The following PDE1C variants were observed in gnomAD, a reference collection of about 807,000 sequenced individuals.
PDE1C encodes phosphodiesterase 1C.
PDE1C carries 62 observed loss-of-function variants against 93.1 expected under a neutral mutation model. The observed-to-expected ratio is 0.67, with a 90% CI of 0.54 to 0.82. The LOEUF is 0.82. Among genes scored for constraint, PDE1C ranks in the 40% least tolerant of loss-of-function variants. PDE1C has a pLI of 0.00. For missense variants in PDE1C, 742 were observed against 884.6 expected, an observed-to-expected ratio of 0.84 and a Z score of 2.04; for synonymous variants, 325 against 310.1, an observed-to-expected ratio of 1.05 and a Z score of -0.50.
chr7:31,741,852 G>T, the PDE1C span, among the ~76,000 whole-genome samples: 24 of 152,314 alleles, frequency 1.6e-4, no homozygotes, highest in African/African-American at 5.5e-4. Flanking sequence ...GGGAGGCAGG[G>T]ACCAGGTCCC....
chr7:31,798,972 T>G (rs1268830055), intron 16 of PDE1C, among the ~76,000 whole-genome samples: 1 of 151,722 alleles, frequency 6.6e-6, no homozygotes, highest in Non-Finnish European at 1.5e-5. Flanking sequence ...ACTATCGTCC[T>G]AAGTAGTATG....
At chr7:31,763,259 T>C (rs1043420723) in intron 17 of PDE1C, among the ~76,000 whole-genome samples, 1 of 152,196 alleles carries the variant, frequency 6.6e-6, no homozygotes, top group Admixed American at 6.5e-5. Flanking sequence ...TGTGCTAAGA[T>C]TGTAGAAACA....
At chr7:32,125,419 G>A (rs985811719) in intron 3 of PDE1C, among the ~76,000 whole-genome samples, 2 of 152,104 alleles carry the variant, frequency 1.3e-5, no homozygotes, top group Non-Finnish European at 2.9e-5. Flanking sequence ...GCATGTACAT[G>A]TATGTTCACT....
intron 1 of PDE1C, among the ~76,000 whole-genome samples, chr7:32,375,524 A>G (rs993829004): frequency 2.0e-5 from 3 of 152,262 alleles, no homozygotes; most frequent in East Asian, 1.9e-4. Context: ...TGGTATATCA[A>G]CAACAACAAT....
At chr7:31,832,937 G>A (rs1363929412) in intron 11 of PDE1C, among the ~76,000 whole-genome samples, 1 of 152,112 alleles carries the variant, frequency 6.6e-6, no homozygotes, top group Admixed American at 6.6e-5. Flanking sequence ...CTTTCGCCAT[G>A]GACCAAATAC....
chr7:32,337,360 A>G (rs932153973), intron 1 of PDE1C, among the ~76,000 whole-genome samples: 1 of 152,202 alleles, frequency 6.6e-6, no homozygotes, highest in East Asian at 1.9e-4. Context: ...ACCATACACT[A>G]GTATTGTGAG....
intron 1 of PDE1C, among the ~76,000 whole-genome samples, chr7:32,213,503 C>T (rs1384012009): frequency 1.3e-5 from 2 of 152,194 alleles, no homozygotes; most frequent in Admixed American, 6.5e-5. Flanking sequence ...AAAGTGCTGT[C>T]GCCCGGCTCG....
At chr7:31,998,291 T>C (rs922561610) in intron 2 of PDE1C, among the ~76,000 whole-genome samples, 1 of 152,172 alleles carries the variant, frequency 6.6e-6, no homozygotes, top group Non-Finnish European at 1.5e-5. Context: ...AGTGCTGGGA[T>C]TACAAGTGTG....
At chr7:32,378,046 A>C (rs1011760874) in intron 1 of PDE1C, among the ~76,000 whole-genome samples, 1 of 152,192 alleles carries the variant, frequency 6.6e-6, no homozygotes, top group Non-Finnish European at 1.5e-5. Flanking sequence ...TGGGAGAGCA[A>C]GTGGTCCAGA....
intron 3 of PDE1C, among the ~76,000 whole-genome samples, chr7:32,102,008 C>G (rs1798064971): frequency 6.6e-6 from 1 of 152,166 alleles, no homozygotes; most frequent in Non-Finnish European, 1.5e-5. Context: ...CACATGAACT[C>G]ACAGAGTGAG....
chr7:32,366,576 C>T (rs1166528161), intron 1 of PDE1C, among the ~76,000 whole-genome samples: 1 of 152,104 alleles, frequency 6.6e-6, no homozygotes, highest in Non-Finnish European at 1.5e-5. Context: ...GATCAAAGAA[C>T]CTCAAATAGA....
the PDE1C span, among the ~76,000 whole-genome samples, chr7:31,718,193 C>T: frequency 6.6e-6 from 1 of 152,096 alleles, no homozygotes; most frequent in African/African-American, 2.4e-5. Flanking sequence ...AGGAGTCCTT[C>T]CCCACAGAAC....
chr7:31,633,984 T>A, the PDE1C span, among the ~76,000 whole-genome samples: 1 of 152,230 alleles, frequency 6.6e-6, no homozygotes, highest in Non-Finnish European at 1.5e-5. Context: ...CAGAAGCTTT[T>A]ATTACCAGAC....
At chr7:31,818,870 A>AT (rs1381868953) in intron 14 of PDE1C, among the ~76,000 whole-genome samples, 45 of 152,304 alleles carry the variant, frequency 3.0e-4, no homozygotes, top group African/African-American at 9.9e-4. Flanking sequence ...AAGGTATTAA[A>AT]TGCTGGTTTG....
intron 2 of PDE1C, among the ~76,000 whole-genome samples, chr7:31,976,001 T>G (rs1811614413): frequency 6.6e-6 from 1 of 152,242 alleles, no homozygotes; most frequent in Admixed American, 6.5e-5. Context: ...AATACTGATG[T>G]TCCAATAAAT....
At chr7:31,744,464 C>T in the PDE1C span, among the ~76,000 whole-genome samples, 70 of 152,150 alleles carry the variant, frequency 4.6e-4, no homozygotes, top group African/African-American at 1.5e-3. Flanking sequence ...CATGCCTCTA[C>T]AGGACACCAG....
chr7:32,175,215 C>T (rs1283164818), intron 2 of PDE1C, among the ~76,000 whole-genome samples: 3 of 152,182 alleles, frequency 2.0e-5, no homozygotes, highest in East Asian at 1.9e-4. Flanking sequence ...AAACAATATA[C>T]AGGCATACAT....
At chr7:32,368,879 G>A (rs138326441) in intron 1 of PDE1C, among the ~76,000 whole-genome samples, 41 of 152,088 alleles carry the variant, frequency 2.7e-4, no homozygotes, top group Non-Finnish European at 5.2e-4. Flanking sequence ...AAAAGCACCA[G>A]GAACATATAC....
At chr7:32,298,461 G>T (rs1812768464) in intron 1 of PDE1C, among the ~76,000 whole-genome samples, 2 of 152,078 alleles carry the variant, frequency 1.3e-5, no homozygotes, top group South Asian at 2.1e-4. Flanking sequence ...AGGGGTGCCG[G>T]GGGGGACAGC....
Sources: allele counts gnomAD v4.1 joint callset (sites outside exome capture counted in the v4.1 genomes callset), GRCh38; gene constraint gnomAD v4.1.1; transcripts MANE v1.5; gene names NCBI Gene and HGNC (gene_info 2026-07-23, HGNC 2026-07-21).